ZNF565: variants seen among roughly 807,000 people sequenced by gnomAD.
ZNF565 encodes zinc finger protein 565.
In ZNF565, 27 loss-of-function variants were observed where a neutral mutation model predicts 39.4. The observed-to-expected ratio is 0.69, with a 90% CI of 0.51 to 0.95. The LOEUF (loss-of-function observed/expected upper bound fraction) is 0.95. Among genes scored for constraint, ZNF565 ranks in the 40% least tolerant of loss-of-function variants. The pLI is 0.00. For missense variants in ZNF565, 524 were observed against 621.1 expected, an observed-to-expected ratio of 0.84 and a Z score of 1.66; for synonymous variants, 185 against 216.6, an observed-to-expected ratio of 0.85 and a Z score of 1.28.
At chr19:36,189,893 G>A (rs2145310023) in intron 4 of ZNF565, among the ~76,000 whole-genome samples, 1 of 151,978 alleles carries the variant, frequency 6.6e-6, no homozygotes. Flanking sequence ...AAAGATGCGC[G>A]ATCGATCTTG....
chr19:36,209,526 A>G (rs955352670), intron 1 of ZNF565, among the ~76,000 whole-genome samples: 1 of 151,282 alleles, frequency 6.6e-6, no homozygotes, highest in Non-Finnish European at 1.5e-5. Context: ...AACAAAAAAC[A>G]AACCAACAAA....
chr19:36,233,947 C>T (rs1021165775), intron 1 of ZNF565, among the ~76,000 whole-genome samples: 2 of 147,606 alleles, frequency 1.4e-5, no homozygotes, highest in Non-Finnish European at 2.9e-5. Context: ...CAGGTCTTTC[C>T]CTTCCCGCGG....
intron 2 of ZNF565, among the ~76,000 whole-genome samples, chr19:36,197,961 A>T (rs552247494): frequency 2.6e-5 from 4 of 152,208 alleles, no homozygotes; most frequent in Admixed American, 6.5e-5. Context: ...CAGCCTGGCC[A>T]ACATGGTGAA....
chr19:36,191,872 G>A (rs1975558552), intron 4 of ZNF565, among the ~76,000 whole-genome samples: 4 of 152,128 alleles, frequency 2.6e-5, no homozygotes, highest in Non-Finnish European at 4.4e-5. Flanking sequence ...GGAGTGGGAG[G>A]AGGAAAAGCA....
chr19:36,215,570 G>T (rs191483942), upstream of ZNF565, among the ~76,000 whole-genome samples: 26 of 152,124 alleles, frequency 1.7e-4, no homozygotes, highest in Admixed American at 1.2e-3. Flanking sequence ...AATTGAAGGG[G>T]TGGAAAAGCT....
chr19:36,201,180 T>C (rs1248966096), intron 2 of ZNF565, among the ~76,000 whole-genome samples: 1 of 152,110 alleles, frequency 6.6e-6, no homozygotes. Context: ...CATGTGGCTC[T>C]GGTCCTAGCT....
intron 1 of ZNF565, among the ~76,000 whole-genome samples, chr19:36,223,656 C>T (rs567235411): frequency 7.2e-6 from 1 of 139,304 alleles, no homozygotes; most frequent in Non-Finnish European, 1.5e-5. Flanking sequence ...AGCCACCGCG[C>T]GTGGCTGATT....
At chr19:36,240,518 C>G (rs1977779880) in intron 1 of ZNF565, among the ~76,000 whole-genome samples, 1 of 152,198 alleles carries the variant, frequency 6.6e-6, no homozygotes. Context: ...CCACCCAAAA[C>G]TCAATGTTGA....
At chr19:36,231,454 C>T (rs1977366867) in intron 1 of ZNF565, among the ~76,000 whole-genome samples, 1 of 152,152 alleles carries the variant, frequency 6.6e-6, no homozygotes, top group South Asian at 2.1e-4. Context: ...AGTGATCTGC[C>T]CGCCTCAGCC....
chr19:36,224,233 A>G lies in ZNF565; in HGVS notation c.55+21243T>C, dbSNP rs181789481. ...CCTGTCTCTACTAAAAATACAAAAC[A>G]TTAGCTGGGTGTGGTGGCACATGCC... On this transcript the variant is annotated intron_variant, in intron 1 of 4. Transcript: ENST00000355114. Among the ~76,000 whole-genome samples, 136 of 152,238 alleles carry G rather than the reference A, an allele frequency of 8.9e-4. No individual in the cohort carries two copies. In the East Asian group the frequency reaches 0.018, roughly 20 times the overall value.
At chr19:36,223,210 A>C (rs1200886544) in intron 1 of ZNF565, among the ~76,000 whole-genome samples, 1 of 151,808 alleles carries the variant, frequency 6.6e-6, no homozygotes, top group African/African-American at 2.4e-5. Context: ...TGAGGTCAGG[A>C]GTTTGAGACT....
chr19:36,197,121 A>G (rs1317152260), intron 2 of ZNF565, among the ~76,000 whole-genome samples: 2 of 151,678 alleles, frequency 1.3e-5, no homozygotes, highest in African/African-American at 4.8e-5. Flanking sequence ...AACTACAAAA[A>G]ATTAGCCAGG....
chr19:36,182,369 T>C lies in ZNF565; in HGVS notation c.*97A>G. On this transcript the variant is annotated 3_prime_UTR_variant, in exon 5 of 5. Coordinates refer to ENST00000304116, the MANE Select transcript of ZNF565 (RefSeq NM_152477.5). ...TCTATGATGGAAGTGACAGGTGTTTTCTGACATTAATTACACTACATTAAA... is the reference window on the plus strand; with the variant it reads ...TCTATGATGGAAGTGACAGGTGTTTCCTGACATTAATTACACTACATTAAA... 1 of 1,054,188 alleles carries C rather than the reference T, an allele frequency of 9.5e-7. No homozygotes were observed. The highest frequency in any genetic ancestry group is 1.3e-6 in the Non-Finnish European group (1 of 769,810). The allele number at this position is 1,054,188 out of a possible 1,614,324, so 65.3% of individuals were successfully genotyped here.
At chr19:36,233,375 C>T (rs1163183991) in intron 1 of ZNF565, among the ~76,000 whole-genome samples, 3 of 152,110 alleles carry the variant, frequency 2.0e-5, no homozygotes, top group East Asian at 1.9e-4. Context: ...GTTTCCCCTC[C>T]ACAGCTGTGG....
chr19:36,194,085 C>T (rs1228016127), intron 4 of ZNF565, 148 bp downstream of exon 4: 14 of 557,344 alleles, frequency 2.5e-5, no homozygotes, highest in Non-Finnish European at 3.7e-5. Context: ...GAAGCTGACG[C>T]TAATAAAGTC....
intron 3 of ZNF565, chr19:36,194,765 A>G (rs923444177): frequency 2.5e-5 from 14 of 569,756 alleles, no homozygotes; most frequent in Non-Finnish European, 3.8e-5. Context: ...TTTGGCAGAC[A>G]GAAAGCATCA....
chr19:36,222,977 T>C (rs1976917067), intron 1 of ZNF565, among the ~76,000 whole-genome samples: 1 of 151,948 alleles, frequency 6.6e-6, no homozygotes, highest in Non-Finnish European at 1.5e-5. Context: ...ACCAAAGACC[T>C]TTTTATTCAT....
chr19:36,215,712 C>T (rs1976573697), upstream of ZNF565, among the ~76,000 whole-genome samples: 1 of 151,742 alleles, frequency 6.6e-6, no homozygotes, highest in Non-Finnish European at 1.5e-5. Context: ...TTTCGGGGTG[C>T]CTACTTCAGA....
At chr19:36,199,079 A>T (rs534527366) in intron 2 of ZNF565, among the ~76,000 whole-genome samples, 4 of 151,874 alleles carry the variant, frequency 2.6e-5, no homozygotes, top group South Asian at 4.2e-4. Flanking sequence ...ATTAAAAATT[A>T]AAAAAATTTA....
Sources: gnomAD v4.1 joint callset for allele counts (sites outside exome capture counted in the v4.1 genomes callset) on GRCh38, gnomAD v4.1.1 for gene constraint, MANE v1.5 for transcripts, NCBI Gene and HGNC (gene_info 2026-07-23, HGNC 2026-07-21) for gene names.